Variants in SVIL observed in about 807,000 individuals in gnomAD.
The protein encoded by SVIL is supervillin, also known as archvillin.
SVIL carries 101 observed loss-of-function variants against 240.4 expected under a neutral mutation model. That is an observed-to-expected ratio of 0.42 (90% CI 0.36 to 0.50). SVIL has a LOEUF of 0.50. SVIL is among the 20% of genes least tolerant of loss of function. The pLI is 0.01. For synonymous variants in SVIL, 999 were observed against 1,100.0 expected (o/e 0.91, Z 1.82); for missense variants, 2,512 against 2,818.7 (o/e 0.89, Z 2.46).
At chr10:29,622,290 C>T (rs922597252) in intron 1 of SVIL, among the ~76,000 whole-genome samples, 1 of 140,532 alleles carries the variant, frequency 7.1e-6, no homozygotes, top group African/African-American at 2.6e-5. Context: ...CTTGGAAACA[C>T]TGAAGGTCAA....
chr10:29,689,176 A>G (rs1284490399), intron 1 of SVIL, among the ~76,000 whole-genome samples: 1 of 152,234 alleles, frequency 6.6e-6, no homozygotes, highest in Non-Finnish European at 1.5e-5. Flanking sequence ...CTTTTCACAG[A>G]TAAGTAAATT....
intron 2 of SVIL, among the ~76,000 whole-genome samples, chr10:29,668,114 G>A (rs545621653): frequency 6.6e-6 from 1 of 152,176 alleles, no homozygotes; most frequent in African/African-American, 2.4e-5. Context: ...AGAGAATAAA[G>A]CTCCCTTAGC....
rs190329330 is a variant in SVIL at position 29,506,696 on chromosome 10, G to A, written c.3516+6039C>T. ...GAGGCCCTATGAGGGAGGGGACAGA[G>A]GCCCTACGAGGGAGGGGATAGAGAC... On this transcript the variant is annotated intron_variant, in intron 17 of 37. Transcript: ENST00000355867. 1.0e-3 allele frequency among the ~76,000 whole-genome samples: 147 copies of A among 144,294 alleles called. 2 individuals are homozygous for A. Among genetic ancestry groups the A allele is most frequent in the Non-Finnish European group, 1.4e-3 (94 of 65,210 alleles). The allele number at this position is 144,294 out of a possible 152,430, so 94.7% of individuals were successfully genotyped here.
At chr10:29,582,731 CTAATAA>C (rs61441935) in intron 1 of SVIL, among the ~76,000 whole-genome samples, 8,068 of 142,750 alleles carry the variant, frequency 0.057, 267 homozygotes, top group East Asian at 0.12. Flanking sequence ...GACCCTGTCT[CTAATAA>C]TAATAATAAT....
chr10:29,684,187 C>T (rs1487738617), intron 2 of SVIL, among the ~76,000 whole-genome samples: 1 of 152,130 alleles, frequency 6.6e-6, no homozygotes, highest in Non-Finnish European at 1.5e-5. Flanking sequence ...TCTTCTGCAG[C>T]AACATCCTTG....
At chr10:29,719,518 C>G (rs531184311) in intron 1 of SVIL, among the ~76,000 whole-genome samples, 47 of 152,240 alleles carry the variant, frequency 3.1e-4, no homozygotes, top group Non-Finnish European at 6.0e-4. Context: ...GAAAATACAA[C>G]CCACAACGAG....
chr10:29,507,925 G>A lies in SVIL; in HGVS notation c.3516+4810C>T, dbSNP rs189494317. On this transcript the variant is annotated intron_variant, in intron 17 of 37. Transcript: ENST00000355867. ...AAAACAATGATTTTTCTAACAGAATGTTAATTTACTCATTGCAATTTCAGT... is the reference window on the plus strand; with the variant it reads ...AAAACAATGATTTTTCTAACAGAATATTAATTTACTCATTGCAATTTCAGT... The A allele has an allele frequency of 4.2e-5, 12 of 286,920 alleles. No homozygotes were observed. The East Asian group carries it at 1.5e-3, about 36-fold the overall frequency. The allele number at this position is 286,920 out of a possible 1,614,324, so 17.8% of individuals were successfully genotyped here.
chr10:29,464,240 C>T (rs10826627), intron 34 of SVIL, among the ~76,000 whole-genome samples: 38,076 of 151,706 alleles, frequency 0.25, 5,308 homozygotes, highest in East Asian at 0.54. Context: ...GGTTGAAGAC[C>T]AGCCTGGGCC....
At chr10:29,550,430 G>C (rs1953191165) in intron 6 of SVIL, among the ~76,000 whole-genome samples, 167 bp downstream of exon 6, 1 of 148,518 alleles carries the variant, frequency 6.7e-6, no homozygotes, top group African/African-American at 2.5e-5. Context: ...CAACAGAGTG[G>C]GACCCTGTCT....
chr10:29,507,891 G>A (rs61849293), intron 17 of SVIL: 151,717 of 476,382 alleles, frequency 0.32, 24,846 homozygotes, highest in Non-Finnish European at 0.33. Context: ...ACATGGGGGA[G>A]GGAGAGACAA....
At chr10:29,627,137 A>G (rs192349273) in intron 1 of SVIL, among the ~76,000 whole-genome samples, 19 of 152,362 alleles carry the variant, frequency 1.2e-4, no homozygotes, top group Admixed American at 9.8e-4. Context: ...GTATTTCAAC[A>G]GAAACAAGCA....
At chr10:29,611,572 A>G (rs529971905) in intron 1 of SVIL, among the ~76,000 whole-genome samples, 38 of 152,290 alleles carry the variant, frequency 2.5e-4, no homozygotes, top group African/African-American at 9.1e-4. Flanking sequence ...GCATTCTAGA[A>G]TATTTTGGAG....
At chr10:29,550,166 G>A (rs10826654) in intron 6 of SVIL, among the ~76,000 whole-genome samples, 63,385 of 151,634 alleles carry the variant, frequency 0.42, 13,336 homozygotes, top group East Asian at 0.44. Flanking sequence ...GGCCAGGTAC[G>A]GTGGCTCATG....
At chr10:29,643,988 C>T (rs1958575571) in intron 3 of SVIL, 1 of 518,470 alleles carries the variant, frequency 1.9e-6, no homozygotes, top group South Asian at 1.4e-5. Flanking sequence ...AGCAACATCG[C>T]GTTCCTGGAC....
intron 3 of SVIL, chr10:29,657,790 T>C (rs1037525447): frequency 2.0e-5 from 3 of 152,190 alleles, no homozygotes; most frequent in African/African-American, 4.8e-5. Context: ...CTCTCCTGTA[T>C]GTCTATGGTT....
intron 1 of SVIL, among the ~76,000 whole-genome samples, chr10:29,609,545 G>C (rs1422378251): frequency 6.6e-6 from 1 of 152,258 alleles, no homozygotes; most frequent in African/African-American, 2.4e-5. Flanking sequence ...AGCCCTTCTG[G>C]AAGCCCAGAC....
At chr10:29,510,571 G>A (rs544182274) in intron 17 of SVIL, among the ~76,000 whole-genome samples, 3 of 151,712 alleles carry the variant, frequency 2.0e-5, no homozygotes, top group South Asian at 2.1e-4. Flanking sequence ...CCATAACGCC[G>A]GCTCCTTTCT....
intron 3 of SVIL, among the ~76,000 whole-genome samples, chr10:29,641,601 T>A (rs1349595553): frequency 1.3e-5 from 2 of 152,052 alleles, no homozygotes; most frequent in African/African-American, 4.8e-5. Context: ...AAAATAAAAA[T>A]AAATTTGTTA....
In SVIL at chr10:29,547,083, T is replaced by C. The variant is rs1589200636; in HGVS notation, c.827+3514A>G. 2.0e-5 allele frequency among the ~76,000 whole-genome samples: 3 copies of C among 152,286 alleles called. No individual in the cohort carries two copies. In the South Asian group the frequency reaches 6.2e-4, roughly 32 times the overall value. ...AGGTTTCTTTTGTTACTGTTTTGGG[T>C]TACCACATATTTTTTTTGGTTCATC... On this transcript the variant is annotated intron_variant, in intron 6 of 37. Coordinates refer to ENST00000355867, the MANE Select transcript of SVIL (RefSeq NM_021738.3).
Sources: allele counts gnomAD v4.1 joint callset (sites outside exome capture counted in the v4.1 genomes callset), GRCh38; gene constraint gnomAD v4.1.1; transcripts MANE v1.5; gene names NCBI Gene and HGNC (gene_info 2026-07-23, HGNC 2026-07-21).